Variants in PHACTR3 observed in about 807,000 individuals in gnomAD.
PHACTR3 encodes protein phosphatase 1, regulatory subunit 123.
A neutral mutation model predicts 66.8 loss-of-function variants in PHACTR3; 16 were observed. The observed-to-expected ratio is 0.24, with a 90% CI of 0.16 to 0.36. The LOEUF (loss-of-function observed/expected upper bound fraction) is 0.36, where lower values mean the gene tolerates loss of function less well. Among genes scored for constraint, PHACTR3 ranks in the 10% least tolerant of loss-of-function variants. The probability of loss-of-function intolerance (pLI) is 1.00; values close to 1 mark genes in which losing one functional copy is unlikely to be tolerated. For synonymous variants in PHACTR3, 323 were observed against 292.1 expected (o/e 1.11, Z -1.08); for missense variants, 647 against 719.9 (o/e 0.90, Z 1.16).
chr20:59,687,827 T>C (rs1423975464), intron 1 of PHACTR3, among the ~76,000 whole-genome samples: 1 of 152,060 alleles, frequency 6.6e-6, no homozygotes, highest in African/African-American at 2.4e-5. Context: ...CTTTGAGTAG[T>C]GCTGTTTCAG....
At chr20:59,671,945 G>C (rs2036208127) in intron 1 of PHACTR3, among the ~76,000 whole-genome samples, 1 of 152,248 alleles carries the variant, frequency 6.6e-6, no homozygotes, top group Admixed American at 6.5e-5. Context: ...AGCAACCGTA[G>C]GCATGAGGAA....
At chr20:59,807,363 G>A (rs1017041812) in intron 8 of PHACTR3, among the ~76,000 whole-genome samples, 1 of 152,148 alleles carries the variant, frequency 6.6e-6, no homozygotes, top group Non-Finnish European at 1.5e-5. Context: ...ATCAATCACT[G>A]TCATCTTCCT....
At chr20:59,814,149 G>A (rs1395187153) in intron 8 of PHACTR3, among the ~76,000 whole-genome samples, 1 of 152,198 alleles carries the variant, frequency 6.6e-6, no homozygotes, top group Non-Finnish European at 1.5e-5. Flanking sequence ...TCAGGAGCGA[G>A]GGCATGTCTG....
intron 7 of PHACTR3, among the ~76,000 whole-genome samples, chr20:59,786,519 G>A (rs547850474): frequency 2.0e-5 from 3 of 152,316 alleles, no homozygotes; most frequent in South Asian, 2.1e-4. Context: ...AGGACCTGGT[G>A]GAGCCATCCT....
chr20:59,657,982 T>G (rs1201990028), intron 1 of PHACTR3, among the ~76,000 whole-genome samples: 1 of 152,174 alleles, frequency 6.6e-6, no homozygotes, highest in Non-Finnish European at 1.5e-5. Flanking sequence ...TTACTAAGCC[T>G]ATGTTCATTT....
intron 1 of PHACTR3, among the ~76,000 whole-genome samples, chr20:59,617,765 C>T (rs925523424): frequency 2.0e-5 from 3 of 152,208 alleles, no homozygotes; most frequent in Non-Finnish European, 4.4e-5. Flanking sequence ...GCTCACGGCA[C>T]GTGTCATTTC....
intron 11 of PHACTR3, among the ~76,000 whole-genome samples, chr20:59,842,836 C>T (rs1458294658): frequency 6.6e-6 from 1 of 152,042 alleles, no homozygotes; most frequent in South Asian, 2.1e-4. Context: ...CACTACAGTT[C>T]AGCAAATTAA....
intron 3 of PHACTR3, among the ~76,000 whole-genome samples, chr20:59,754,504 T>C (rs2039714024): frequency 6.6e-6 from 1 of 152,226 alleles, no homozygotes; most frequent in South Asian, 2.1e-4. Context: ...ACCTCCACCT[T>C]GCCAGGGTTT....
chr20:59,647,569 T>G (rs1440017702), intron 1 of PHACTR3, among the ~76,000 whole-genome samples: 1 of 152,156 alleles, frequency 6.6e-6, no homozygotes, highest in Non-Finnish European at 1.5e-5. Flanking sequence ...GGTACAGTCC[T>G]CTTCATTCTT....
chr20:59,748,813 C>T (rs1241909875), intron 3 of PHACTR3, among the ~76,000 whole-genome samples: 1 of 152,188 alleles, frequency 6.6e-6, no homozygotes, highest in Non-Finnish European at 1.5e-5. Flanking sequence ...TCTCTCCCCA[C>T]TTCAGCCTTA....
At chr20:59,594,895 ATCTT>A (rs1226287633) in intron 1 of PHACTR3, among the ~76,000 whole-genome samples, 2 of 152,038 alleles carry the variant, frequency 1.3e-5, no homozygotes, top group East Asian at 3.9e-4. Flanking sequence ...CTGATTTTAG[ATCTT>A]TCTTCTTTTC....
chr20:59,675,966 A>G (rs1279900553), intron 1 of PHACTR3, among the ~76,000 whole-genome samples: 4 of 152,310 alleles, frequency 2.6e-5, no homozygotes, highest in Non-Finnish European at 4.4e-5. Flanking sequence ...CCGGAATAAA[A>G]GGTGCACCAA....
Position 59,829,995 on chromosome 20 carries a change from C to T in PHACTR3, c.1329-6510C>T, listed in dbSNP as rs2145461858. 6.6e-6 allele frequency among the ~76,000 whole-genome samples: 1 copy of T among 151,808 alleles called. No homozygotes were observed. Among genetic ancestry groups the T allele is most frequent in the South Asian group, 2.1e-4 (1 of 4,826 alleles). ...GTGTCCTTCCACTTCCTGAAATTAC[C>T]TGCAGCCCCTGCTGCTGTGCTCATC... On this transcript the variant is annotated intron_variant, in intron 8 of 12. Coordinates refer to ENST00000371015, the MANE Select transcript of PHACTR3 (RefSeq NM_080672.5). This position sits in a 1 kb window ranked among gnomAD's most constrained non-coding sequence, Gnocchi z 4.2.
rs537691366 is a variant in PHACTR3 at position 59,756,460 on chromosome 20, G to A, written c.541+1096G>A. ...GGGTGGCACCACACACTCGCAGGCC[G>A]CCCGTCCACAACGCCCCTGCAGCGC... On this transcript the variant is annotated intron_variant, in intron 4 of 12. Coordinates refer to ENST00000371015, the MANE Select transcript of PHACTR3 (RefSeq NM_080672.5). Among the ~76,000 whole-genome samples, 89 of 152,256 alleles carry A rather than the reference G, an allele frequency of 5.8e-4. No individual in the cohort carries two copies. In the Middle Eastern group the frequency reaches 0.014, roughly 23 times the overall value.
chr20:59,681,743 G>A (rs1279400929), intron 1 of PHACTR3, among the ~76,000 whole-genome samples: 6 of 152,380 alleles, frequency 3.9e-5, no homozygotes, highest in Non-Finnish European at 2.9e-5. Context: ...AGGCATGGCG[G>A]CTCACCCCTG....
intron 8 of PHACTR3, among the ~76,000 whole-genome samples, chr20:59,813,974 C>T (rs1568848118): frequency 1.3e-5 from 2 of 152,248 alleles, no homozygotes; most frequent in African/African-American, 2.4e-5. Context: ...GCCGTTTACT[C>T]ATCTGTTCTG....
intron 2 of PHACTR3, among the ~76,000 whole-genome samples, chr20:59,743,773 G>C (rs983800281): frequency 6.6e-6 from 1 of 152,198 alleles, no homozygotes; most frequent in Non-Finnish European, 1.5e-5. Flanking sequence ...GGTGACTCAG[G>C]GTTGAGGCCG....
chr20:59,841,566 T>G (rs1171819317), intron 11 of PHACTR3, 31 bp downstream of exon 11: 9 of 1,593,318 alleles, frequency 5.6e-6, no homozygotes, highest in Non-Finnish European at 7.7e-6. Flanking sequence ...GTGGGGGGTG[T>G]TGGATGATAT....
chr20:59,792,726 T>G (rs1401464565), intron 7 of PHACTR3, among the ~76,000 whole-genome samples: 1 of 152,248 alleles, frequency 6.6e-6, no homozygotes, highest in Non-Finnish European at 1.5e-5. Flanking sequence ...AAATATCTAT[T>G]AAAATCTTCC....
Sources: allele counts gnomAD v4.1 joint callset (sites outside exome capture counted in the v4.1 genomes callset), GRCh38; gene constraint gnomAD v4.1.1; non-coding constraint Gnocchi (gnomAD v3.1); transcripts MANE v1.5; gene names NCBI Gene and HGNC (gene_info 2026-07-23, HGNC 2026-07-21).